Variants in IL17RC observed in about 807,000 individuals in gnomAD.
IL17RC encodes the protein interleukin-17 receptor C.
IL17RC carries 53 observed loss-of-function variants against 86.7 expected under a neutral mutation model. The observed-to-expected ratio is 0.61, with a 90% CI of 0.49 to 0.77. The LOEUF (loss-of-function observed/expected upper bound fraction) is 0.77, where lower values mean the gene tolerates loss of function less well. Among genes scored for constraint, IL17RC ranks in the 30% least tolerant of loss-of-function variants. The pLI is 0.00. For synonymous variants in IL17RC, 439 were observed against 413.1 expected (o/e 1.06, Z -0.76); for missense variants, 957 against 940.0 (o/e 1.02, Z -0.24).
intron 9 of IL17RC, among the ~76,000 whole-genome samples, chr3:9,925,604 T>C (rs1438814430): frequency 6.6e-6 from 1 of 152,090 alleles, no homozygotes; most frequent in Non-Finnish European, 1.5e-5. Flanking sequence ...TGGGCCCATA[T>C]TCTGCCCCCA....
At chr3:9,931,798 C>A (rs1394345690) in intron 16 of IL17RC, among the ~76,000 whole-genome samples, 4 of 151,510 alleles carry the variant, frequency 2.6e-5, no homozygotes, top group African/African-American at 9.7e-5. Flanking sequence ...AGTCACCGCA[C>A]CTGGCCCAAA....
intron 9 of IL17RC, among the ~76,000 whole-genome samples, chr3:9,925,367 C>T (rs1178656365): frequency 6.6e-6 from 1 of 152,036 alleles, no homozygotes. Flanking sequence ...CCACAAGCCT[C>T]GTCCTCCCAA....
chr3:9,921,170 T>A (rs1427486388), intron 7 of IL17RC, among the ~76,000 whole-genome samples: 3 of 152,186 alleles, frequency 2.0e-5, no homozygotes, highest in Non-Finnish European at 4.4e-5. Flanking sequence ...AAGATGAATC[T>A]TGGGTCAGGC....
At chr3:9,928,529 G>T in intron 11 of IL17RC, 43 bp downstream of exon 11, 1 of 1,613,714 alleles carries the variant, frequency 6.2e-7, no homozygotes, top group Non-Finnish European at 8.5e-7. Context: ...GGGGAGAGTG[G>T]GGAACCGGGG....
At chr3:9,932,901 G>C (rs1442033533) in intron 18 of IL17RC, 43 bp downstream of exon 18, 1 of 1,603,040 alleles carries the variant, frequency 6.2e-7, no homozygotes, top group African/African-American at 1.3e-5. Context: ...CCCCCGGGGA[G>C]CCAGGCCTGT....
chr3:9,927,796 C>T, intron 9 of IL17RC, among the ~76,000 whole-genome samples: 1 of 151,896 alleles, frequency 6.6e-6, no homozygotes. Context: ...CAAAAATTAA[C>T]CAGTTAGCCG....
Position 9,933,035 on chromosome 3 carries a change from G to A in IL17RC, c.1605G>A (p.Ser535=). 1.3e-6 allele frequency: 2 copies of A among 1,553,306 alleles called. No homozygotes were observed. The highest frequency in any genetic ancestry group is 1.7e-6 in the Non-Finnish European group (2 of 1,158,774). Reference sequence around the variant, plus strand: ...AGCGCCTGGTGGGCGCCCTGGCGTCGGCCCTGTGCCAGCTGCCGCTGCGCG... The same window carrying A: ...AGCGCCTGGTGGGCGCCCTGGCGTCAGCCCTGTGCCAGCTGCCGCTGCGCG... The part of the protein sequence containing the change: ...GFERLVGALA[S]ALCQLPLRVA... The change falls in exon 19 of 19, where the codon TCG becomes TCA. Residue 535 remains serine (S), a synonymous_variant. Coordinates refer to ENST00000403601, the MANE Select transcript of IL17RC (RefSeq NM_153460.4).
chr3:9,930,248 C>T lies in IL17RC; in HGVS notation c.1278+99C>T. ...TCCACCCTGTGCCGGTCTCTGGGAA[C>T]ATGGGGGGTGACTCAGACCAGGGCC... On this transcript the variant is annotated intron_variant, in intron 14 of 18. Coordinates refer to ENST00000403601, the MANE Select transcript of IL17RC (RefSeq NM_153460.4). This position sits in a 1 kb window ranked among gnomAD's most constrained non-coding sequence, Gnocchi z 5.8. 1 of 1,559,444 alleles carries T rather than the reference C, an allele frequency of 6.4e-7. No individual in the cohort carries two copies. The highest frequency in any genetic ancestry group is 8.8e-7 in the Non-Finnish European group (1 of 1,139,020).
chr3:9,917,998 C>G lies in IL17RC; in HGVS notation c.203C>G (p.Thr68Arg), dbSNP rs773096402. ...GPVLAPTHLQTELVLRCQKET... is the reference protein window; with the variant it reads ...GPVLAPTHLQRELVLRCQKET... ...GTGCTGGCGCCTACGCACCTGCAGA[C>G]AGAGCTGGTGCTGAGGTGCCAGAAG... Residue 68 changes from threonine (T) to arginine (R), a missense_variant, in exon 3 of 19, where the codon ACA (threonine) becomes AGA (arginine). Transcript: ENST00000403601. 1.2e-5 allele frequency: 19 copies of G among 1,613,866 alleles called. No individual in the cohort carries two copies. In the South Asian group the frequency reaches 1.6e-4, roughly 14 times the overall value.
intron 13 of IL17RC, 26 bp downstream of exon 13, chr3:9,929,923 G>T (rs1366225987): frequency 6.2e-7 from 1 of 1,614,012 alleles, no homozygotes; most frequent in South Asian, 1.1e-5. Flanking sequence ...GGGCAGCTGG[G>T]GCAGGGCCAC....
rs1184159381 is a variant in IL17RC, at chr3:9,930,182, C to T, written c.1278+33C>T. 12 of 1,610,750 alleles carry T rather than the reference C, an allele frequency of 7.4e-6. No individual in the cohort carries two copies. Among genetic ancestry groups the T allele is most frequent in the Non-Finnish European group, 9.3e-6 (11 of 1,177,810 alleles). ...CTGGGCGACCCTCCTCCACAGATCTCTCCAAATGCATCTCACATCTGGCCT... is the reference window on the plus strand; with the variant it reads ...CTGGGCGACCCTCCTCCACAGATCTTTCCAAATGCATCTCACATCTGGCCT... On this transcript the variant is annotated intron_variant, in intron 14 of 18. Transcript: ENST00000403601. This position sits in a 1 kb window ranked among gnomAD's most constrained non-coding sequence, Gnocchi z 5.8.
Position 9,930,575 on chromosome 3 carries a change from G to C in IL17RC, c.1338+116G>C. 9.6e-7 allele frequency: 1 copy of C among 1,043,662 alleles called. No individual in the cohort carries two copies. Among genetic ancestry groups the C allele is most frequent in the South Asian group, 1.5e-5 (1 of 68,130 alleles). The allele number at this position is 1,043,662 out of a possible 1,614,324, so 64.7% of individuals were successfully genotyped here. On this transcript the variant is annotated intron_variant, in intron 15 of 18. Transcript: ENST00000403601. This position sits in a 1 kb window ranked among gnomAD's most constrained non-coding sequence, Gnocchi z 5.8. Reference sequence around the variant, plus strand: ...ATGTTCAGCCCTGGGAAAGTTAAGAGTAGAAGAAGCACAGTTCCTATCCCC... The same window carrying C: ...ATGTTCAGCCCTGGGAAAGTTAAGACTAGAAGAAGCACAGTTCCTATCCCC...
At chr3:9,924,771 T>C (rs2125208705) in intron 9 of IL17RC, among the ~76,000 whole-genome samples, 1 of 152,302 alleles carries the variant, frequency 6.6e-6, no homozygotes, top group Admixed American at 6.5e-5. Context: ...ACACCCAGGC[T>C]TAAATATGCT....
At position 9,933,618 on chromosome 3, in the gene IL17RC, C is replaced by A; in HGVS notation, c.*25C>A. 6.5e-7 allele frequency: 1 copy of A among 1,527,096 alleles called. No homozygotes were observed. The highest frequency in any genetic ancestry group is 8.8e-7 in the Non-Finnish European group (1 of 1,138,766). The allele number at this position is 1,527,096 out of a possible 1,614,324, so 94.6% of individuals were successfully genotyped here. ...AATAAAGGCAGACGCTGTTTTTCTA[C>A]CCATGTGGCCCACACGCGTCTCCGT... On this transcript the variant is annotated 3_prime_UTR_variant, in exon 19 of 19. Transcript: ENST00000403601.
At chr3:9,920,867 C>T (rs1402301954) in intron 6 of IL17RC, 58 bp from the exon 7 acceptor site, 3 of 1,553,622 alleles carry the variant, frequency 1.9e-6, no homozygotes, top group South Asian at 1.2e-5. Context: ...CCAAATTGCC[C>T]CCACTTCTTT....
intron 5 of IL17RC, among the ~76,000 whole-genome samples, chr3:9,919,861 A>G (rs138467739): frequency 6.6e-6 from 1 of 151,988 alleles, no homozygotes; most frequent in Non-Finnish European, 1.5e-5. Flanking sequence ...GGCTGGATGC[A>G]CTTCTCTGTA....
At chr3:9,932,044 T>C (rs746621388) in intron 16 of IL17RC, among the ~76,000 whole-genome samples, 66 of 152,054 alleles carry the variant, frequency 4.3e-4, no homozygotes, top group Non-Finnish European at 7.9e-4. Flanking sequence ...TTAAGCTTTA[T>C]ATGTATTAAT....
At chr3:9,922,202 C>T (rs1235933857) in intron 7 of IL17RC, among the ~76,000 whole-genome samples, 3 of 152,056 alleles carry the variant, frequency 2.0e-5, no homozygotes, top group Non-Finnish European at 4.4e-5. Context: ...CCTCCCACCT[C>T]GGCCTCCCAA....
In IL17RC at chr3:9,930,563, G is replaced by T; in HGVS notation, c.1338+104G>T. On this transcript the variant is annotated intron_variant, in intron 15 of 18. Transcript: ENST00000403601. The surrounding 1 kb of genome is among the most constrained non-coding windows in gnomAD (Gnocchi z 5.8). ...TAGGCTTATTTTATGTTCAGCCCTG[G>T]GAAAGTTAAGAGTAGAAGAAGCACA... The T allele has an allele frequency of 1.7e-6, 2 of 1,175,584 alleles. No individual in the cohort carries two copies. Among genetic ancestry groups the T allele is most frequent in the Non-Finnish European group, 1.2e-6 (1 of 813,640 alleles). 72.8% of individuals were successfully genotyped at this position (1,175,584 alleles called of 1,614,324 possible).
Sources: allele counts gnomAD v4.1 joint callset (sites outside exome capture counted in the v4.1 genomes callset), GRCh38; gene constraint gnomAD v4.1.1; non-coding constraint Gnocchi (gnomAD v3.1); transcripts MANE v1.5; gene names NCBI Gene and HGNC (gene_info 2026-07-23, HGNC 2026-07-21).